The following NPLOC4 variants were observed in gnomAD, a reference collection of about 807,000 sequenced individuals.
The protein encoded by NPLOC4 is NPL4 homolog, ubiquitin recognition factor, also known as nuclear protein localization protein 4 homolog.
NPLOC4 carries 18 observed loss-of-function variants against 80.6 expected under a neutral mutation model. The observed-to-expected ratio is 0.22, with a 90% CI of 0.15 to 0.33. NPLOC4 has a LOEUF of 0.33. NPLOC4 is among the 10% of genes least tolerant of loss of function. The probability of loss-of-function intolerance (pLI) is 1.00; values close to 1 mark genes in which losing one functional copy is unlikely to be tolerated. For missense variants in NPLOC4, 540 were observed against 786.1 expected, an observed-to-expected ratio of 0.69 and a Z score of 3.74; for synonymous variants, 313 against 301.5, an observed-to-expected ratio of 1.04 and a Z score of -0.39.
chr17:81,620,083 T>C (rs1188506971), intron 3 of NPLOC4, among the ~76,000 whole-genome samples: 3 of 152,108 alleles, frequency 2.0e-5, no homozygotes, highest in Admixed American at 2.0e-4. Context: ...CCTCAACAGA[T>C]AAATTTCAAG....
At chr17:81,627,585 C>T (rs982557064) in intron 2 of NPLOC4, among the ~76,000 whole-genome samples, 2 of 151,412 alleles carry the variant, frequency 1.3e-5, no homozygotes, top group Non-Finnish European at 2.9e-5. Context: ...ATTAAAAAGA[C>T]AAACTTAGCC....
At chr17:81,601,199 T>C (rs1319914468) in intron 8 of NPLOC4, among the ~76,000 whole-genome samples, 1 of 152,154 alleles carries the variant, frequency 6.6e-6, no homozygotes, top group Non-Finnish European at 1.5e-5. Flanking sequence ...GCCATAAGAA[T>C]AGGAAAGGTA....
At position 81,589,123 on chromosome 17, in the gene NPLOC4, TAA is replaced by T; in HGVS notation, c.1121-21_1121-20del. The stretch of plus-strand genomic sequence containing the variant: ...GGACCACCTGCAAGAGAGAGACCTT[TAA>T]AAAGAGTCTACCAAACGGCATTCAA... On this transcript the variant is annotated intron_variant, in intron 11 of 16. Transcript: ENST00000331134. 1.2e-6 allele frequency: 2 copies of T among 1,605,218 alleles called. No individual in the cohort carries two copies. Among genetic ancestry groups the T allele is most frequent in the Non-Finnish European group, 8.5e-7 (1 of 1,174,876 alleles).
rs142539876 is a variant in NPLOC4, at chr17:81,625,138, G to A, written c.97-2860C>T. On this transcript the variant is annotated intron_variant, in intron 2 of 16. Transcript: ENST00000331134. ...GTGGTCATCACCAGGCCCAGCTGACGAGCAGGACCAGGGGCAGGAATGGAA... is the reference window on the plus strand; with the variant it reads ...GTGGTCATCACCAGGCCCAGCTGACAAGCAGGACCAGGGGCAGGAATGGAA... 3.3e-5 allele frequency among the ~76,000 whole-genome samples: 5 copies of A among 152,298 alleles called. No individual in the cohort carries two copies. The East Asian group carries it at 9.7e-4, about 29-fold the overall frequency.
intron 5 of NPLOC4, 168 bp from the exon 6 acceptor site, chr17:81,608,990 T>C: frequency 3.9e-6 from 2 of 506,554 alleles, no homozygotes; most frequent in Non-Finnish European, 7.0e-6. Context: ...CAGAACCAAG[T>C]TTTTCTTTTT....
chr17:81,619,476 G>A (rs529733008), intron 3 of NPLOC4, among the ~76,000 whole-genome samples: 3 of 151,922 alleles, frequency 2.0e-5, no homozygotes, highest in African/African-American at 7.2e-5. Context: ...TTGAACCCGG[G>A]GGGGCAGAGG....
intron 3 of NPLOC4, 102 bp downstream of exon 3, chr17:81,622,064 G>T: frequency 2.5e-6 from 2 of 787,666 alleles, no homozygotes; most frequent in Non-Finnish European, 4.5e-6. Context: ...AGACCATAAT[G>T]AGTGGTGTGA....
intron 9 of NPLOC4, 107 bp downstream of exon 9, chr17:81,600,234 G>A: frequency 1.3e-6 from 1 of 742,866 alleles, no homozygotes; most frequent in Non-Finnish European, 2.4e-6. Context: ...TGCAGCCGGA[G>A]AGAGCCAGTA....
intron 5 of NPLOC4, among the ~76,000 whole-genome samples, chr17:81,609,399 C>T (rs2035286113): frequency 6.6e-6 from 1 of 152,116 alleles, no homozygotes. Context: ...ACTGCAGCCT[C>T]GACCTCAAGT....
intron 15 of NPLOC4, among the ~76,000 whole-genome samples, chr17:81,566,038 G>A (rs918198620): frequency 1.3e-5 from 2 of 152,172 alleles, no homozygotes; most frequent in Non-Finnish European, 2.9e-5. Context: ...AACTGCAGGG[G>A]ATTAATGCAT....
chr17:81,559,308 T>C lies in NPLOC4; in HGVS notation c.1778A>G (p.Asn593Ser). The C allele has an allele frequency of 6.2e-7, 1 of 1,606,328 alleles. No individual in the cohort carries two copies. The highest frequency in any genetic ancestry group is 8.5e-7 in the Non-Finnish European group (1 of 1,176,922). ...CTCGCAGTGGCCTGTGCCTGGCTGG[T>C]TCATGAACGTGCAGTGCTGACAGGC... ...MWACQHCTFMNQPGTGHCEMC... is the reference protein window; with the variant it reads ...MWACQHCTFMSQPGTGHCEMC... Residue 593 changes from asparagine to serine, a missense_variant, in exon 17 of 17, where the codon AAC (asparagine) becomes AGC (serine). Physicochemically the swap from Asn to Ser is conservative, Grantham distance 46. Coordinates refer to ENST00000331134, the MANE Select transcript of NPLOC4 (RefSeq NM_017921.4).
At chr17:81,591,447 G>GAA (rs71367067) in intron 11 of NPLOC4, among the ~76,000 whole-genome samples, 6,044 of 76,118 alleles carry the variant, frequency 0.079, 614 homozygotes, top group Non-Finnish European at 0.097. Context: ...GAGTAAAACA[G>GAA]AAAAAAAAAA....
intron 16 of NPLOC4, chr17:81,563,177 T>TCCA (rs2033902211): frequency 6.6e-6 from 1 of 151,106 alleles, no homozygotes. Context: ...CTGGGTCAAG[T>TCCA]GATTCTCCTG....
intron 12 of NPLOC4, among the ~76,000 whole-genome samples, chr17:81,582,994 G>T (rs561448311): frequency 1.3e-5 from 2 of 152,260 alleles, no homozygotes; most frequent in Non-Finnish European, 2.9e-5. Context: ...CCGCCCCTGC[G>T]CACTCACAAC....
At chr17:81,611,343 T>G (rs1044458023) in intron 4 of NPLOC4, among the ~76,000 whole-genome samples, 24 of 141,154 alleles carry the variant, frequency 1.7e-4, no homozygotes, top group Admixed American at 6.2e-4. Context: ...AATAAAATAG[T>G]TTTTTTTTTG....
chr17:81,559,447 C>T, intron 16 of NPLOC4, 31 bp from the exon 17 acceptor site: 1 of 1,584,328 alleles, frequency 6.3e-7, no homozygotes. Flanking sequence ...GAGCACTCAT[C>T]ATTTCTGGCC....
At chr17:81,629,855 A>G (rs1334211384) in intron 1 of NPLOC4, 50 bp from the exon 2 acceptor site, 1 of 1,333,564 alleles carries the variant, frequency 7.5e-7, no homozygotes, top group Admixed American at 1.7e-5. Flanking sequence ...TGAGGTCCTG[A>G]TCTAATACTA....
chr17:81,572,330 A>G lies in NPLOC4; in HGVS notation c.1282-242T>C, dbSNP rs934220139. Among the ~76,000 whole-genome samples, 2 of 151,828 alleles carry G rather than the reference A, an allele frequency of 1.3e-5. No individual in the cohort carries two copies. Among genetic ancestry groups the G allele is most frequent in the African/African-American group, 4.8e-5 (2 of 41,298 alleles). On this transcript the variant is annotated intron_variant, in intron 12 of 16. Coordinates refer to ENST00000331134, the MANE Select transcript of NPLOC4 (RefSeq NM_017921.4). This position sits in a 1 kb window ranked among gnomAD's most constrained non-coding sequence, Gnocchi z 4.5. Reference sequence around the variant, plus strand: ...CAGCCTCCCAAGTAGCTGGGACTACAGGCGCCCGCCACCACGCCCGGCTAA... The same window carrying G: ...CAGCCTCCCAAGTAGCTGGGACTACGGGCGCCCGCCACCACGCCCGGCTAA...
chr17:81,559,303 G>C lies in NPLOC4; in HGVS notation c.1783C>G (p.Pro595Ala), dbSNP rs1195203373. 3 of 1,606,356 alleles carry C rather than the reference G, an allele frequency of 1.9e-6. No individual in the cohort carries two copies. Among genetic ancestry groups the C allele is most frequent in the South Asian group, 1.1e-5 (1 of 89,580 alleles). Residue 595 changes from proline to alanine, a missense_variant, in exon 17 of 17, where the codon CCA (proline) becomes GCA (alanine). Pro to Ala is a conservative substitution (Grantham distance 27). Transcript: ENST00000331134. ...CACATCTCGCAGTGGCCTGTGCCTGGCTGGTTCATGAACGTGCAGTGCTGA... is the reference window on the plus strand; with the variant it reads ...CACATCTCGCAGTGGCCTGTGCCTGCCTGGTTCATGAACGTGCAGTGCTGA... ...ACQHCTFMNQ[P>A]GTGHCEMCSL...
Sources: allele counts gnomAD v4.1 joint callset (sites outside exome capture counted in the v4.1 genomes callset), GRCh38; gene constraint gnomAD v4.1.1; non-coding constraint Gnocchi (gnomAD v3.1); transcripts MANE v1.5; gene names NCBI Gene and HGNC (gene_info 2026-07-23, HGNC 2026-07-21).